Variants in SLFN13 observed in about 807,000 individuals in gnomAD.
The protein encoded by SLFN13 is schlafen family member 13.
In SLFN13, 43 loss-of-function variants were observed where a neutral mutation model predicts 50.6. The ratio of observed to expected loss-of-function variants is 0.85; its 90% CI spans 0.67 to 1.09. The LOEUF (loss-of-function observed/expected upper bound fraction) is 1.09, where lower values mean the gene tolerates loss of function less well. Among genes scored for constraint, SLFN13 ranks in the 50% least tolerant of loss-of-function variants. SLFN13 has a pLI of 0.00. For synonymous variants in SLFN13, 339 were observed against 386.5 expected (o/e 0.88, Z 1.44); for missense variants, 881 against 1,071.1 (o/e 0.82, Z 2.48).
In SLFN13 at chr17:35,443,865, A is replaced by G. The variant is rs146225118; in HGVS notation, c.1122T>C (p.Ser374=). The part of the protein sequence containing the change: ...AFESQLSLSD[S]PSLCRPVYSK... The stretch of plus-strand genomic sequence containing the variant: ...AATACACTGGTCTGCAAAGTGAAGG[A>G]CTGTCAGATAGACTCAACTGAGACT... Residue 374 remains serine, a synonymous_variant, in exon 4 of 6, where the codon AGT becomes AGC. Transcript: ENST00000285013. The G allele has an allele frequency of 4.9e-5, 79 of 1,613,880 alleles. No individual in the cohort carries two copies. The African/African-American group carries it at 1.0e-3, about 21-fold the overall frequency.
chr17:35,443,853 G>A lies in SLFN13; in HGVS notation c.1134C>T (p.Cys378=). 1 of 1,613,858 alleles carries A rather than the reference G, an allele frequency of 6.2e-7. No individual in the cohort carries two copies. The part of the protein sequence containing the change: ...QLSLSDSPSL[C]RPVYSKKGLE... The stretch of plus-strand genomic sequence containing the variant: ...GACCTTTCTTAGAATACACTGGTCT[G>A]CAAAGTGAAGGACTGTCAGATAGAC... Residue 378 remains cysteine, a synonymous_variant, in exon 4 of 6, where the codon TGC becomes TGT. Transcript: ENST00000285013.
chr17:35,445,224 A>T lies in SLFN13; in HGVS notation c.457T>A (p.Phe153Ile), dbSNP rs772699387. Residue 153 changes from phenylalanine to isoleucine, a missense_variant, in exon 3 of 6, where the codon TTC becomes ATC. Around this residue, in one of 5 missense-constraint regions of SLFN13, gnomAD observed 497 missense variants for 518.3 expected, o/e 0.96. Transcript: ENST00000285013. ...LHMNSRQAFD[F>I]LKTKERQSKY... The stretch of plus-strand genomic sequence containing the variant: ...GACTGTCTTTCCTTGGTCTTCAGGA[A>T]ATCGAATGCCTGTCTTGAATTCATG... 6.2e-7 allele frequency: 1 copy of T among 1,613,960 alleles called. No homozygotes were observed. The highest frequency in any genetic ancestry group is 8.5e-7 in the Non-Finnish European group (1 of 1,180,014).
At position 35,437,852 on chromosome 17, in the gene SLFN13, G is replaced by A. The variant is rs1186799276; in HGVS notation, c.*2743C>T. ...CTAATTTAAATTTTCAAAACATTTTGTTTCATTTTACAATGGCTGGATAGA... is the reference window on the plus strand; with the variant it reads ...CTAATTTAAATTTTCAAAACATTTTATTTCATTTTACAATGGCTGGATAGA... On this transcript the variant is annotated 3_prime_UTR_variant, in exon 6 of 6. Transcript: ENST00000285013. The A allele has an allele frequency of 6.6e-6, 1 of 152,128 alleles. No individual in the cohort carries two copies. Among genetic ancestry groups the A allele is most frequent in the Non-Finnish European group, 1.5e-5 (1 of 68,014 alleles). 9.4% of individuals were successfully genotyped at this position (152,128 alleles called of 1,614,324 possible). A position where few individuals can be genotyped will look rare whatever the true frequency, so the allele number is the denominator to read the frequency against.
At position 35,435,516 on chromosome 17, in the gene SLFN13, T is replaced by C. The variant is rs143539971; in HGVS notation, c.*5079A>G. 196 of 152,250 alleles carry C rather than the reference T, an allele frequency of 1.3e-3. 1 individual carries two copies. The highest frequency in any genetic ancestry group is 4.6e-3 in the African/African-American group (193 of 41,572). The allele number at this position is 152,250 out of a possible 1,614,324, so 9.4% of individuals were successfully genotyped here. ...CAAGGCTTGTCTCTAACCCCTGGGC[T>C]CAAGTGATTCTCCTGCCTTGGCCTC... On this transcript the variant is annotated 3_prime_UTR_variant, in exon 6 of 6. Transcript: ENST00000285013.
chr17:35,443,990 G>T, intron 3 of SLFN13, 70 bp from the exon 4 acceptor site: 2 of 1,480,332 alleles, frequency 1.4e-6, no homozygotes, highest in Non-Finnish European at 1.8e-6. Flanking sequence ...GCTGTACAAG[G>T]CTGTGTCTAA....
rs749611953 is a variant in SLFN13 at position 35,445,503 on chromosome 17, C to G, written c.178G>C (p.Val60Leu). 4.3e-6 allele frequency: 7 copies of G among 1,614,224 alleles called. No homozygotes were observed. In the South Asian group the frequency reaches 7.7e-5, roughly 18 times the overall value. ...CTGTTGGCCATTTCCATCTGAATCA[C>G]TCCTCCTCCTGAGTTTAATAAAGCA... ...ACALLNSGGG[V>L]IQMEMANRDE... The change falls in exon 3 of 6, where the codon GTG (valine) becomes CTG (leucine). Residue 60 changes from valine (V) to leucine (L), a missense_variant. This residue lies in a region of SLFN13 where 497 missense variants were observed against 518.3 expected (regional missense o/e 0.96). Transcript: ENST00000285013.
rs1483403194 is a variant in SLFN13 at position 35,445,467 on chromosome 17, G to A, written c.214C>T (p.Pro72Ser). ...TCTAAATCCAGTCCCATCTCTGTGG[G>A]ACGCTCATCCCTGTTGGCCATTTCC... is the stretch of plus-strand genomic sequence containing the variant. ...QMEMANRDER[P>S]TEMGLDLEES... The change falls in exon 3 of 6, where the codon CCC becomes TCC. Residue 72 changes from proline (P) to serine (S), a missense_variant. Physicochemically the swap from Pro to Ser is moderately conservative, Grantham distance 74. Around this residue, in one of 5 missense-constraint regions of SLFN13, gnomAD observed 497 missense variants for 518.3 expected, o/e 0.96. Coordinates refer to ENST00000285013, the MANE Select transcript of SLFN13 (RefSeq NM_144682.6). The A allele has an allele frequency of 1.9e-6, 3 of 1,614,040 alleles. No homozygotes were observed. The highest frequency in any genetic ancestry group is 4.5e-5 in the East Asian group (2 of 44,904).
At position 35,441,562 on chromosome 17, in the gene SLFN13, C is replaced by G. The variant is rs773541516; in HGVS notation, c.1922+1G>C. The G allele has an allele frequency of 2.5e-6, 4 of 1,609,538 alleles. No individual in the cohort carries two copies. The highest frequency in any genetic ancestry group is 3.4e-6 in the Non-Finnish European group (4 of 1,179,104). ...TAAAGACGTAAGATCCAACTGCTTACCTGATAAAGTTCCTCAGAGGCTGGT... is the reference window on the plus strand; with the variant it reads ...TAAAGACGTAAGATCCAACTGCTTAGCTGATAAAGTTCCTCAGAGGCTGGT... On this transcript the variant is annotated splice_donor_variant, in intron 5 of 5. Coordinates refer to ENST00000285013, the MANE Select transcript of SLFN13 (RefSeq NM_144682.6). LOFTEE classifies it high-confidence loss of function.
rs1218792065 is a variant in SLFN13, at chr17:35,435,790, C to T, written c.*4805G>A. The T allele has an allele frequency of 3.3e-5, 5 of 151,930 alleles. No individual in the cohort carries two copies. Among genetic ancestry groups the T allele is most frequent in the African/African-American group, 1.2e-4 (5 of 41,386 alleles). The allele number at this position is 151,930 out of a possible 1,614,324, so 9.4% of individuals were successfully genotyped here. On this transcript the variant is annotated 3_prime_UTR_variant, in exon 6 of 6. Coordinates refer to ENST00000285013, the MANE Select transcript of SLFN13 (RefSeq NM_144682.6). The stretch of plus-strand genomic sequence containing the variant: ...AATTTTTTTTTCTTGGAGACAGGGT[C>T]TCAAACTGGCACCCAGGCTAGAGTG...
chr17:35,444,128 A>G (rs1440871614), intron 3 of SLFN13, among the ~76,000 whole-genome samples: 2 of 152,212 alleles, frequency 1.3e-5, no homozygotes, highest in African/African-American at 4.8e-5. Context: ...GTGTTTCCCC[A>G]TGCAATATAA....
intron 4 of SLFN13, among the ~76,000 whole-genome samples, chr17:35,442,871 C>T (rs980782233): frequency 2.0e-5 from 3 of 152,080 alleles, no homozygotes; most frequent in African/African-American, 7.2e-5. Context: ...AAAGTGAAAG[C>T]CATGTATTCA....
rs1169359934 is a variant in SLFN13, at chr17:35,439,624, G to C, written c.*971C>G. 1 of 152,054 alleles carries C rather than the reference G, an allele frequency of 6.6e-6. No individual in the cohort carries two copies. The highest frequency in any genetic ancestry group is 1.5e-5 in the Non-Finnish European group (1 of 68,038). The allele number at this position is 152,054 out of a possible 1,614,324, so 9.4% of individuals were successfully genotyped here. A position where few individuals can be genotyped will look rare whatever the true frequency, so the allele number is the denominator to read the frequency against. ...TCCCAAGTAGCTGGGATACAGGCAT[G>C]CACCACCATGCCCTGCTAATTTTTG... On this transcript the variant is annotated 3_prime_UTR_variant, in exon 6 of 6. Transcript: ENST00000285013.
chr17:35,448,559 C>T (rs554486701), intron 1 of SLFN13, among the ~76,000 whole-genome samples, 163 bp downstream of exon 1: 2 of 152,190 alleles, frequency 1.3e-5, no homozygotes, highest in South Asian at 4.1e-4. Flanking sequence ...CACGCAAATA[C>T]CCCGACTCCA....
chr17:35,443,977 T>C (rs1485636473), intron 3 of SLFN13, 57 bp from the exon 4 acceptor site: 1 of 1,564,220 alleles, frequency 6.4e-7, no homozygotes, highest in Non-Finnish European at 8.7e-7. Context: ...GCTATTGGAA[T>C]AGGCTGTACA....
At position 35,439,058 on chromosome 17, in the gene SLFN13, G is replaced by C. The variant is rs547130529; in HGVS notation, c.*1537C>G. ...AAGACATAGGTGCCAGCAGGGTGGGGGGGGGGGTTCATTGTGAGGCTTCTC... is the reference window on the plus strand; with the variant it reads ...AAGACATAGGTGCCAGCAGGGTGGGCGGGGGGGTTCATTGTGAGGCTTCTC... On this transcript the variant is annotated 3_prime_UTR_variant, in exon 6 of 6. Coordinates refer to ENST00000285013, the MANE Select transcript of SLFN13 (RefSeq NM_144682.6). The C allele has an allele frequency of 2.1e-5, 3 of 143,520 alleles. No individual in the cohort carries two copies. Among genetic ancestry groups the C allele is most frequent in the African/African-American group, 5.0e-5 (2 of 40,158 alleles). 8.9% of individuals were successfully genotyped at this position (143,520 alleles called of 1,614,324 possible).
rs73293375 is a variant in SLFN13 at position 35,440,387 on chromosome 17, G to A, written c.*208C>T. 20,983 of 621,432 alleles carry A rather than the reference G, an allele frequency of 0.034. 1,272 individuals carry two copies. The highest frequency in any genetic ancestry group is 0.19 in the East Asian group (6,992 of 36,118). The allele number at this position is 621,432 out of a possible 1,614,324, so 38.5% of individuals were successfully genotyped here. On this transcript the variant is annotated 3_prime_UTR_variant, in exon 6 of 6. Transcript: ENST00000285013. Reference sequence around the variant, plus strand: ...GGCTGCAAGAGTCAGGGGTCAGAATGGGGGGCAGCCACCACTGCTGAAAAG... The same window carrying A: ...GGCTGCAAGAGTCAGGGGTCAGAATAGGGGGCAGCCACCACTGCTGAAAAG...
In SLFN13 at chr17:35,444,624, C is replaced by T. The variant is rs541429130; in HGVS notation, c.1057G>A (p.Ala353Thr). Residue 353 changes from alanine to threonine, a missense_variant, in exon 3 of 6, where the codon GCA becomes ACA. Ala to Thr is a moderately conservative substitution (Grantham distance 58). Around this residue, in one of 5 missense-constraint regions of SLFN13, gnomAD observed 497 missense variants for 518.3 expected, o/e 0.96. Coordinates refer to ENST00000285013, the MANE Select transcript of SLFN13 (RefSeq NM_144682.6). ...TEEWVEKMMD[A>T]DPEFPPDFAE... ...TCTGGTTCCCTCTTACCTGGATCTG[C>T]GTCCATCATTTTCTCTACCCATTCC... 9.9e-6 allele frequency: 16 copies of T among 1,613,524 alleles called. No individual in the cohort carries two copies. The East Asian group carries it at 2.7e-4, about 27-fold the overall frequency.
In SLFN13 at chr17:35,441,059, CTTG is replaced by C; in HGVS notation, c.2227_2229del (p.Gln743del). ...GGATTTTCTATAATTAGTTGCATTT[CTTG>C]TTGTATGTACTCGGCTATTTCATCT... On this transcript the variant is annotated inframe_deletion, in exon 6 of 6. Transcript: ENST00000285013. 6.2e-7 allele frequency: 1 copy of C among 1,613,764 alleles called. No homozygotes were observed. Among genetic ancestry groups the C allele is most frequent in the Non-Finnish European group, 8.5e-7 (1 of 1,180,020 alleles).
At position 35,441,962 on chromosome 17, in the gene SLFN13, A is replaced by G; in HGVS notation, c.1523T>C (p.Val508Ala). The G allele has an allele frequency of 6.2e-7, 1 of 1,613,746 alleles. No homozygotes were observed. The highest frequency in any genetic ancestry group is 8.5e-7 in the Non-Finnish European group (1 of 1,179,858). The change falls in exon 5 of 6, where the codon GTG becomes GCG. Residue 508 changes from valine (V) to alanine (A), a missense_variant. This residue lies in a region of SLFN13 where 22 missense variants were observed against 132.0 expected (regional missense o/e 0.17). Transcript: ENST00000285013. ...GCAGAGGACCTTGGCCCTGACACAC[A>G]CCTTCCCGGTGTAGCCCCCCATGTT... Reference protein sequence around the residue: ...LVNMGGYTGKVCVRAKVLCLS... With the variant: ...LVNMGGYTGKACVRAKVLCLS...
Sources: allele counts gnomAD v4.1 joint callset (sites outside exome capture counted in the v4.1 genomes callset), GRCh38; gene constraint gnomAD v4.1.1; regional missense constraint gnomAD v4.1.1; transcripts MANE v1.5; gene names NCBI Gene and HGNC (gene_info 2026-07-23, HGNC 2026-07-21).